Variants in NFKBID observed in about 807,000 individuals in gnomAD.
NFKBID encodes the protein NF-kappa-B inhibitor delta.
Under a neutral mutation model 53.4 loss-of-function variants are expected in NFKBID, and 26 were observed. The ratio of observed to expected loss-of-function variants is 0.49; its 90% confidence interval spans 0.36 to 0.68. NFKBID has a LOEUF of 0.68. Ranked by LOEUF, NFKBID falls within the 30% of genes least tolerant of loss-of-function variation. The probability of loss-of-function intolerance (pLI) is 0.00; values close to 1 mark genes in which losing one functional copy is unlikely to be tolerated. For synonymous variants in NFKBID, 262 were observed against 259.8 expected (o/e 1.01, Z -0.08); for missense variants, 493 against 614.1 (o/e 0.80, Z 2.08).
chr19:35,892,361 A>G (rs935474349), intron 9 of NFKBID, among the ~76,000 whole-genome samples: 3 of 151,948 alleles, frequency 2.0e-5, no homozygotes, highest in Admixed American at 1.3e-4. Flanking sequence ...CATCTTTCTT[A>G]TTTTTAAAAA....
Position 35,896,918 on chromosome 19 carries a change from C to T in NFKBID, c.573G>A (p.Gly191=), listed in dbSNP as rs772320041. The change falls in exon 5 of 12, where the codon GGG becomes GGA. Residue 191 remains glycine, a synonymous_variant. Coordinates refer to ENST00000641389, the Ensembl canonical transcript of NFKBID. This position sits in a 1 kb window ranked among gnomAD's most constrained non-coding sequence, Gnocchi z 5.7. ...ACCCTATCCCTTATACTCACGTGTC[C>T]CCCTCCTCATCCTGGGCCAGCAGCT... The T allele has an allele frequency of 2.5e-6, 4 of 1,607,892 alleles. No individual in the cohort carries two copies. In the Admixed American group the frequency reaches 5.1e-5, roughly 20 times the overall value.
At chr19:35,890,164 C>T in intron 10 of NFKBID, 110 bp from the exon 11 acceptor site, 1 of 1,164,940 alleles carries the variant, frequency 8.6e-7, no homozygotes, top group Non-Finnish European at 1.2e-6. Flanking sequence ...CCTTTCACAT[C>T]CCAGACCTCC....
At chr19:35,899,479 G>A (rs1356469611) in intron 1 of NFKBID, among the ~76,000 whole-genome samples, 2 of 150,794 alleles carry the variant, frequency 1.3e-5, no homozygotes, top group Non-Finnish European at 2.9e-5. Context: ...ACTTGAACCC[G>A]GGAGGCGGAG....
rs781380439 is a variant in NFKBID, at chr19:35,890,496, G to A, written c.1033-6C>T. The A allele has an allele frequency of 7.5e-6, 12 of 1,603,626 alleles. No homozygotes were observed. On this transcript the variant is annotated splice_polypyrimidine_tract_variant and splice_region_variant and intron_variant, in intron 9 of 11. Coordinates refer to ENST00000641389, the Ensembl canonical transcript of NFKBID. ...GTCTTGTTGCTCTTGATCTCCTGAG[G>A]GGAAGGGAATGGCAGAGGTCAGGGC... is the stretch of plus-strand genomic sequence containing the variant.
At chr19:35,895,647 CA>C (rs1346303530) in intron 9 of NFKBID, among the ~76,000 whole-genome samples, 2 of 149,396 alleles carry the variant, frequency 1.3e-5, no homozygotes, top group Non-Finnish European at 3.0e-5. Context: ...ACTAAAAATA[CA>C]AAAAAATTAG....
intron 10 of NFKBID, 37 bp downstream of exon 10, chr19:35,890,337 C>T: frequency 7.1e-7 from 1 of 1,416,128 alleles, no homozygotes; most frequent in East Asian, 2.3e-5. Context: ...CCCTACCGTA[C>T]CCCACACAAT....
chr19:35,891,828 T>G (rs1308967667), intron 9 of NFKBID, among the ~76,000 whole-genome samples: 1 of 151,740 alleles, frequency 6.6e-6, no homozygotes, highest in Non-Finnish European at 1.5e-5. Context: ...AATCACACCA[T>G]TGCAATCCAG....
At chr19:35,894,443 A>T (rs1974989446) in intron 9 of NFKBID, among the ~76,000 whole-genome samples, 1 of 152,114 alleles carries the variant, frequency 6.6e-6, no homozygotes, top group African/African-American at 2.4e-5. Flanking sequence ...GCAGTGGCTC[A>T]CAACTGTAAT....
upstream of NFKBID, chr19:35,901,686 C>A: frequency 6.6e-6 from 1 of 152,120 alleles, no homozygotes; most frequent in Non-Finnish European, 1.5e-5. Context: ...CTCCACTTGC[C>A]TCAGTCTCCC....
chr19:35,898,741 T>A (rs1177283215), exon 2 of NFKBID: 1 of 1,534,302 alleles, frequency 6.5e-7, no homozygotes, highest in South Asian at 1.2e-5. Context: ...AGCGTCGGGC[T>A]GCTGCTGCTG....
rs781765793 is a variant in NFKBID, at chr19:35,896,714, C to T, written c.684+12G>A. ...CCCCTGAACCCAGGAGAGTTCAGGC[C>T]CCAAGCCTCACCTTGCCCTTATGCT... On this transcript the variant is annotated intron_variant, in intron 6 of 11. Coordinates refer to ENST00000641389, the Ensembl canonical transcript of NFKBID. This position sits in a 1 kb window ranked among gnomAD's most constrained non-coding sequence, Gnocchi z 5.7. The T allele has an allele frequency of 4.3e-6, 7 of 1,612,104 alleles. No homozygotes were observed. Among genetic ancestry groups the T allele is most frequent in the African/African-American group, 1.3e-5 (1 of 74,824 alleles).
chr19:35,889,926 G>A (rs377224031), exon 11 of NFKBID: 120 of 1,611,516 alleles, frequency 7.4e-5, no homozygotes, highest in Middle Eastern at 1.7e-4. Flanking sequence ...GCAGGTGAAC[G>A]GGCTGCTCAT....
At chr19:35,901,200 G>A (rs1975552899), upstream of NFKBID, among the ~76,000 whole-genome samples, 1 of 151,986 alleles carries the variant, frequency 6.6e-6, no homozygotes, top group Non-Finnish European at 1.5e-5. Context: ...TCCTGCCCAT[G>A]GGGGTAGGGG....
chr19:35,896,816 A>G lies in NFKBID; in HGVS notation c.594T>C (p.Phe198=). The G allele has an allele frequency of 1.9e-6, 3 of 1,614,092 alleles. No individual in the cohort carries two copies. Among genetic ancestry groups the G allele is most frequent in the Non-Finnish European group, 2.5e-6 (3 of 1,179,966 alleles). ...CCGCCCAGCGCAGCCCCCGAGCCGC[A>G]AACAGGTGAAGGAGCCTGAGGACAG... is the stretch of plus-strand genomic sequence containing the variant. The change falls in exon 6 of 12, where the codon TTT becomes TTC. Residue 198 remains phenylalanine, a synonymous_variant. Transcript: ENST00000641389. The surrounding 1 kb of genome is among the most constrained non-coding windows in gnomAD (Gnocchi z 5.7).
intron 9 of NFKBID, among the ~76,000 whole-genome samples, chr19:35,892,231 T>G (rs753664848): frequency 6.6e-6 from 1 of 151,988 alleles, no homozygotes; most frequent in Non-Finnish European, 1.5e-5. Flanking sequence ...TTTGTATTTT[T>G]TTTAGAGATG....
chr19:35,896,138 G>A lies in NFKBID; in HGVS notation c.884-10C>T. ...TGGAGCGGGGTGAGGCCTGCAGAAT[G>A]GAGACAGTGAGGGACCCGCATCTGC... On this transcript the variant is annotated splice_polypyrimidine_tract_variant and intron_variant, in intron 8 of 11. Coordinates refer to ENST00000641389, the Ensembl canonical transcript of NFKBID. The surrounding 1 kb of genome is among the most constrained non-coding windows in gnomAD (Gnocchi z 5.7). 1 of 1,614,036 alleles carries A rather than the reference G, an allele frequency of 6.2e-7. No homozygotes were observed. The highest frequency in any genetic ancestry group is 8.5e-7 in the Non-Finnish European group (1 of 1,179,914).
intron 9 of NFKBID, among the ~76,000 whole-genome samples, chr19:35,893,572 G>C (rs1436186631): frequency 1.3e-5 from 2 of 152,226 alleles, no homozygotes; most frequent in Admixed American, 6.5e-5. Flanking sequence ...TGTAATCCCA[G>C]CACTTTGGGA....
At chr19:35,892,093 C>G (rs1293750496) in intron 9 of NFKBID, among the ~76,000 whole-genome samples, 1 of 151,908 alleles carries the variant, frequency 6.6e-6, no homozygotes, top group Non-Finnish European at 1.5e-5. Flanking sequence ...CTCTGTCACC[C>G]AGGCTGGAGT....
chr19:35,889,632 C>G (rs1213289357), intron 11 of NFKBID, among the ~76,000 whole-genome samples: 1 of 151,942 alleles, frequency 6.6e-6, no homozygotes, highest in Non-Finnish European at 1.5e-5. Context: ...TGAGGTCAAG[C>G]AAGATTCAGG....
Sources: allele counts gnomAD v4.1 joint callset (sites outside exome capture counted in the v4.1 genomes callset), GRCh38; gene constraint gnomAD v4.1.1; non-coding constraint Gnocchi (gnomAD v3.1); transcripts MANE v1.5; gene names NCBI Gene and HGNC (gene_info 2026-07-23, HGNC 2026-07-21).